The following ANKRD28 variants were observed in gnomAD, a reference collection of about 807,000 sequenced individuals.
The protein encoded by ANKRD28 is serine/threonine-protein phosphatase 6 regulatory ankyrin repeat subunit A.
ANKRD28 carries 44 observed loss-of-function variants against 126.5 expected under a neutral mutation model. The observed-to-expected ratio is 0.35, with a 90% CI of 0.27 to 0.45. The LOEUF (loss-of-function observed/expected upper bound fraction) is 0.45, where lower values mean the gene tolerates loss of function less well. ANKRD28 is among the 20% of genes least tolerant of loss of function. The pLI is 1.00. For missense variants in ANKRD28, 1,110 were observed against 1,316.6 expected (o/e 0.84, Z 2.43); for synonymous variants, 442 against 468.5 (o/e 0.94, Z 0.73).
At chr3:15,773,358 C>T (rs980305950) in intron 2 of ANKRD28, among the ~76,000 whole-genome samples, 1 of 152,178 alleles carries the variant, frequency 6.6e-6, no homozygotes, top group Non-Finnish European at 1.5e-5. Flanking sequence ...GATGCAGTGG[C>T]TCACTCCTGT....
At chr3:15,774,313 TA>T (rs1345804283) in intron 2 of ANKRD28, among the ~76,000 whole-genome samples, 1 of 152,074 alleles carries the variant, frequency 6.6e-6, no homozygotes, top group Non-Finnish European at 1.5e-5. Flanking sequence ...GTTAAGAGGA[TA>T]AAAAGACAAA....
intron 7 of ANKRD28, among the ~76,000 whole-genome samples, chr3:15,722,282 C>A (rs370723494): frequency 6.6e-6 from 1 of 152,112 alleles, no homozygotes; most frequent in African/African-American, 2.4e-5. Context: ...TATAATGGAG[C>A]CCCAATAAAA....
rs766735079 is a variant in ANKRD28, at chr3:15,713,603, G to A, written c.1114C>T (p.Pro372Ser). The A allele has an allele frequency of 1.9e-6, 3 of 1,609,810 alleles. No individual in the cohort carries two copies. Among genetic ancestry groups the A allele is most frequent in the Middle Eastern group, 1.7e-4 (1 of 6,038 alleles). Residue 372 changes from proline (P) to serine (S), a missense_variant, in exon 10 of 28, where the codon CCT (proline) becomes TCT (serine). By Grantham distance (74) the Pro-to-Ser change is moderately conservative. Coordinates refer to ENST00000683139, the MANE Select transcript of ANKRD28 (RefSeq NM_001349278.2). ...CCATACCGTGCTGCTATGTGCAAAGGGGTATTTCCATTCTTATCCTCACAG... is the reference window on the plus strand; with the variant it reads ...CCATACCGTGCTGCTATGTGCAAAGAGGTATTTCCATTCTTATCCTCACAG... The part of the protein sequence containing the change: ...IDCEDKNGNT[P>S]LHIAARYGHE...
intron 4 of ANKRD28, among the ~76,000 whole-genome samples, chr3:15,746,679 G>A (rs1353731595): frequency 3.3e-5 from 5 of 152,016 alleles, no homozygotes; most frequent in East Asian, 1.9e-4. Context: ...GTTTTGTTAC[G>A]TCCTTCCCTG....
In ANKRD28 at chr3:15,686,092, G is replaced by C. The variant is rs376891784; in HGVS notation, c.2079C>G (p.Asn693Lys). 6.2e-7 allele frequency: 1 copy of C among 1,613,216 alleles called. No individual in the cohort carries two copies. The highest frequency in any genetic ancestry group is 1.3e-5 in the African/African-American group (1 of 74,922). ...GQTPLMLSVL[N>K]GHTDCVYSLL... Reference sequence around the variant, plus strand: ...ATGAGTAAACACAGTCTGTGTGCCCGTTGAGAACAGATAGCATCAGAGGCG... The same window carrying C: ...ATGAGTAAACACAGTCTGTGTGCCCCTTGAGAACAGATAGCATCAGAGGCG... The change falls in exon 20 of 28, where the codon AAC (asparagine) becomes AAG (lysine). Residue 693 changes from asparagine to lysine, a missense_variant. Physicochemically the swap from Asn to Lys is moderately conservative, Grantham distance 94. Coordinates refer to ENST00000683139, the MANE Select transcript of ANKRD28 (RefSeq NM_001349278.2).
At position 15,838,226 on chromosome 3, in the gene ANKRD28, C is replaced by G. The variant is rs2125959275; in HGVS notation, c.27+21151G>C. On this transcript the variant is annotated intron_variant, in intron 1 of 27. Transcript: ENST00000399451. The surrounding 1 kb of genome is among the most constrained non-coding windows in gnomAD (Gnocchi z 4.0). ...TAATATTAATCCTTCACAAACTCAT[C>G]TAGATACTTCAATAGAAAACACTTT... Among the ~76,000 whole-genome samples the G allele has an allele frequency of 6.6e-6, 1 of 152,308 alleles. No homozygotes were observed. The highest frequency in any genetic ancestry group is 1.9e-4 in the East Asian group (1 of 5,188).
intron 26 of ANKRD28, chr3:15,676,670 TAC>T (rs1292987158): frequency 4.3e-6 from 1 of 232,136 alleles, no homozygotes; most frequent in Non-Finnish European, 8.5e-6. Context: ...AACATATTAT[TAC>T]AGTTGATTTC....
chr3:15,697,665 G>A (rs749650679), intron 14 of ANKRD28, among the ~76,000 whole-genome samples: 15 of 152,122 alleles, frequency 9.9e-5, no homozygotes, highest in Non-Finnish European at 1.9e-4. Flanking sequence ...GTATTTTATT[G>A]AGGATTTTCG....
At chr3:15,829,103 G>A (rs1296035889) in intron 1 of ANKRD28, among the ~76,000 whole-genome samples, 1 of 152,072 alleles carries the variant, frequency 6.6e-6, no homozygotes, top group African/African-American at 2.4e-5. Flanking sequence ...AAAAAGTTTT[G>A]CTTATGAGGA....
At chr3:15,766,434 C>G (rs1350293807) in intron 2 of ANKRD28, 122 bp from the exon 3 acceptor site, 2 of 671,116 alleles carry the variant, frequency 3.0e-6, no homozygotes, top group East Asian at 5.5e-5. Context: ...CAACTTATTA[C>G]TTCTATAACT....
chr3:15,721,236 G>A (rs756347096), intron 7 of ANKRD28, 109 bp from the exon 8 acceptor site: 34 of 888,770 alleles, frequency 3.8e-5, no homozygotes, highest in East Asian at 2.2e-4. Context: ...AGTGAGAAAC[G>A]GAGACAAGAT....
intron 2 of ANKRD28, among the ~76,000 whole-genome samples, chr3:15,793,665 A>C (rs1456161379): frequency 2.0e-5 from 3 of 152,216 alleles, no homozygotes; most frequent in Non-Finnish European, 4.4e-5. Flanking sequence ...TTAAATGGAA[A>C]ACATGTTTTC....
At chr3:15,841,406 C>T (rs1249137920) in intron 1 of ANKRD28, among the ~76,000 whole-genome samples, 1 of 151,444 alleles carries the variant, frequency 6.6e-6, no homozygotes, top group Non-Finnish European at 1.5e-5. Flanking sequence ...AGTGAAGAGA[C>T]AACCCACAGA....
intron 1 of ANKRD28, among the ~76,000 whole-genome samples, chr3:15,849,805 C>T (rs1037178097): frequency 6.6e-6 from 1 of 152,162 alleles, no homozygotes; most frequent in African/African-American, 2.4e-5. Flanking sequence ...ATAAAAGCAT[C>T]TTGCTTTGGT....
In ANKRD28 at chr3:15,839,557, T is replaced by C. The variant is rs1292453854; in HGVS notation, c.27+19820A>G. 2.0e-5 allele frequency among the ~76,000 whole-genome samples: 3 copies of C among 151,524 alleles called. No individual in the cohort carries two copies. The highest frequency in any genetic ancestry group is 6.6e-5 in the Admixed American group (1 of 15,202). ...AAATTTCCATCTGCAGGGTAAATAATAACATGATACATGAACCAGACAAAG... is the reference window on the plus strand; with the variant it reads ...AAATTTCCATCTGCAGGGTAAATAACAACATGATACATGAACCAGACAAAG... On this transcript the variant is annotated intron_variant, in intron 1 of 27. Transcript: ENST00000399451. The surrounding 1 kb of genome is among the most constrained non-coding windows in gnomAD (Gnocchi z 4.3).
chr3:15,713,405 C>T (rs994098392), intron 10 of ANKRD28, 122 bp downstream of exon 10: 3 of 702,902 alleles, frequency 4.3e-6, no homozygotes, highest in Non-Finnish European at 7.1e-6. Context: ...AAAGAAAGTT[C>T]AAGCAATTAA....
At position 15,796,677 on chromosome 3, in the gene ANKRD28, G is replaced by C; in HGVS notation, c.-156C>G. 1.0e-6 allele frequency: 1 copy of C among 973,154 alleles called. No homozygotes were observed. The highest frequency in any genetic ancestry group is 1.2e-6 in the Non-Finnish European group (1 of 814,386). 60.3% of individuals were successfully genotyped at this position (973,154 alleles called of 1,614,324 possible). A position where few individuals can be genotyped will look rare whatever the true frequency, so the allele number is the denominator to read the frequency against. ...TTTTTTAAAGTTAATAAGTACTACT[G>C]GAAAAACAAGTTTAAAATTATGACT... On this transcript the variant is annotated 5_prime_UTR_variant, in exon 1 of 28. Transcript: ENST00000683139.
chr3:15,705,085 C>T (rs2071174474), intron 14 of ANKRD28, among the ~76,000 whole-genome samples: 1 of 152,162 alleles, frequency 6.6e-6, no homozygotes, highest in African/African-American at 2.4e-5. Context: ...TAAATTGGGT[C>T]TTTCGGATCC....
At chr3:15,806,745 C>T (rs1335913164) in intron 1 of ANKRD28, among the ~76,000 whole-genome samples, 1 of 152,172 alleles carries the variant, frequency 6.6e-6, no homozygotes, top group African/African-American at 2.4e-5. Context: ...TGCTCTTGAA[C>T]TCCTGACCTC....
Sources: allele counts gnomAD v4.1 joint callset (sites outside exome capture counted in the v4.1 genomes callset), GRCh38; gene constraint gnomAD v4.1.1; non-coding constraint Gnocchi (gnomAD v3.1); transcripts MANE v1.5; gene names NCBI Gene and HGNC (gene_info 2026-07-23, HGNC 2026-07-21).